TBC1D14: variants seen among roughly 807,000 people sequenced by gnomAD.
TBC1D14 encodes TBC1 domain family, member 14.
TBC1D14 carries 26 observed loss-of-function variants against 79.0 expected under a neutral mutation model. The ratio of observed to expected loss-of-function variants is 0.33; its 90% CI spans 0.24 to 0.46. The LOEUF (loss-of-function observed/expected upper bound fraction) is 0.46, where lower values mean the gene tolerates loss of function less well. TBC1D14 is among the 20% of genes least tolerant of loss of function. TBC1D14 has a pLI of 1.00. For synonymous variants in TBC1D14, 394 were observed against 349.9 expected, an observed-to-expected ratio of 1.13 and a Z score of -1.40; for missense variants, 769 against 887.6, an observed-to-expected ratio of 0.87 and a Z score of 1.70.
chr4:7,025,467 A>G (rs1008322984), intron 13 of TBC1D14, among the ~76,000 whole-genome samples: 1 of 152,112 alleles, frequency 6.6e-6, no homozygotes, highest in Admixed American at 6.5e-5. Context: ...TGTCAGCTGG[A>G]TGGGGTGTGG....
intron 12 of TBC1D14, among the ~76,000 whole-genome samples, chr4:7,023,796 T>C (rs4689576): frequency 0.45 from 69,014 of 152,116 alleles, 15,956 homozygotes; most frequent in East Asian, 0.61. Context: ...CATTTCTTGA[T>C]GCATGGGGTG....
chr4:6,930,798 CA>C (rs35354700), intron 2 of TBC1D14, among the ~76,000 whole-genome samples: 91,843 of 139,240 alleles, frequency 0.66, 29,438 homozygotes, highest in South Asian at 0.78. Flanking sequence ...ACTCCATCTC[CA>C]AAAAAAAAAA....
Position 6,999,211 on chromosome 4 carries a change from T to G in TBC1D14, c.1163+9T>G. On this transcript the variant is annotated intron_variant, in intron 6 of 13. Coordinates refer to ENST00000409757, the MANE Select transcript of TBC1D14 (RefSeq NM_020773.3). Reference sequence around the variant, plus strand: ...CCTAACTGGGAAACAATGTAAGATGTGGCTCTGGGTGTGGCTGAACTGCAG... The same window carrying G: ...CCTAACTGGGAAACAATGTAAGATGGGGCTCTGGGTGTGGCTGAACTGCAG... 1.2e-6 allele frequency: 2 copies of G among 1,608,448 alleles called. No individual in the cohort carries two copies. The highest frequency in any genetic ancestry group is 1.7e-4 in the Middle Eastern group (1 of 5,878).
intron 2 of TBC1D14, chr4:6,954,294 A>C: frequency 1.4e-6 from 1 of 717,500 alleles, no homozygotes; most frequent in Admixed American, 2.0e-5. Context: ...GCGAGGTCAC[A>C]GTAGACATGA....
chr4:6,980,102 A>G (rs902365939), intron 3 of TBC1D14, among the ~76,000 whole-genome samples: 9 of 152,228 alleles, frequency 5.9e-5, no homozygotes, highest in South Asian at 2.1e-4. Context: ...AGCAGAATAC[A>G]GTTTTTTCAA....
At chr4:6,953,448 C>T (rs77541548) in intron 2 of TBC1D14, among the ~76,000 whole-genome samples, 13 of 78,180 alleles carry the variant, frequency 1.7e-4, no homozygotes, top group East Asian at 4.9e-4. Context: ...GGTGAAACCC[C>T]GTCTCTACTA....
chr4:7,020,404 C>T (rs369757092), intron 12 of TBC1D14, among the ~76,000 whole-genome samples: 2 of 152,206 alleles, frequency 1.3e-5, no homozygotes, highest in South Asian at 2.1e-4. Flanking sequence ...CCTGTTCTTA[C>T]CTAGCACTGT....
At chr4:6,976,349 C>T (rs1351184991) in intron 3 of TBC1D14, among the ~76,000 whole-genome samples, 1 of 152,064 alleles carries the variant, frequency 6.6e-6, no homozygotes, top group Non-Finnish European at 1.5e-5. Context: ...AAAATAAACT[C>T]TAAAAAGTAA....
At position 6,987,230 on chromosome 4, in the gene TBC1D14, C is replaced by T. The variant is rs979892606; in HGVS notation, c.844-6954C>T. On this transcript the variant is annotated intron_variant, in intron 3 of 13. Transcript: ENST00000409757. ...TGCCGCCCCGCCCCGCCCCGCGAGTCTGAGGAGCCGCCGCGTCCGCCCGCC... is the reference window on the plus strand; with the variant it reads ...TGCCGCCCCGCCCCGCCCCGCGAGTTTGAGGAGCCGCCGCGTCCGCCCGCC... 6 of 1,255,406 alleles carry T rather than the reference C, an allele frequency of 4.8e-6. No homozygotes were observed. In the African/African-American group the frequency reaches 9.4e-5, roughly 20 times the overall value. 77.8% of individuals were successfully genotyped at this position (1,255,406 alleles called of 1,614,324 possible).
chr4:7,026,544 A>G (rs965284311), intron 13 of TBC1D14, among the ~76,000 whole-genome samples: 4 of 152,218 alleles, frequency 2.6e-5, no homozygotes, highest in Non-Finnish European at 4.4e-5. Flanking sequence ...TGTAATATCT[A>G]TGCCACGCCA....
At chr4:6,958,652 C>A (rs1250016001) in intron 2 of TBC1D14, among the ~76,000 whole-genome samples, 1 of 152,140 alleles carries the variant, frequency 6.6e-6, no homozygotes, top group African/African-American at 2.4e-5. Flanking sequence ...CCAGGCTATT[C>A]TCAAACTCCT....
chr4:6,921,499 G>C (rs1443056085), intron 1 of TBC1D14, among the ~76,000 whole-genome samples: 1 of 151,876 alleles, frequency 6.6e-6, no homozygotes, highest in Non-Finnish European at 1.5e-5. Flanking sequence ...GAGCCACCAT[G>C]CCTGGTTAGG....
intron 2 of TBC1D14, among the ~76,000 whole-genome samples, chr4:6,939,300 A>G (rs192792950): frequency 6.6e-6 from 1 of 152,178 alleles, no homozygotes; most frequent in African/African-American, 2.4e-5. Context: ...TTCCTGCTGC[A>G]TAAATGAGAA....
At chr4:6,961,395 A>C (rs180804191) in intron 2 of TBC1D14, among the ~76,000 whole-genome samples, 1 of 147,918 alleles carries the variant, frequency 6.8e-6, no homozygotes. Flanking sequence ...TGACCCCCCA[A>C]ATCTCTCTGT....
At chr4:6,972,517 A>G (rs112201963) in intron 3 of TBC1D14, among the ~76,000 whole-genome samples, 2,188 of 151,968 alleles carry the variant, frequency 0.014, 53 homozygotes, top group African/African-American at 0.05. Context: ...CATCTTCCCC[A>G]TCCTCTAAAT....
intron 5 of TBC1D14, chr4:6,997,325 CTAAAAA>C (rs948492713): frequency 1.3e-5 from 2 of 152,110 alleles, no homozygotes; most frequent in African/African-American, 2.4e-5. Context: ...GTCTGCCTTT[CTAAAAA>C]TAAAAATAAA....
intron 1 of TBC1D14, among the ~76,000 whole-genome samples, chr4:6,915,889 C>T (rs551302191): frequency 1.3e-5 from 2 of 151,120 alleles, no homozygotes; most frequent in South Asian, 2.1e-4. Flanking sequence ...CCGAGGTGGG[C>T]AGATCACCTG....
chr4:6,996,213 G>A (rs2109168841), intron 4 of TBC1D14, 112 bp from the exon 5 acceptor site: 2 of 786,514 alleles, frequency 2.5e-6, no homozygotes, highest in East Asian at 2.6e-5. Flanking sequence ...TTAAAAAAAT[G>A]AGTTTTTAGT....
chr4:6,924,212 C>T, intron 2 of TBC1D14, 101 bp downstream of exon 2: 3 of 1,434,508 alleles, frequency 2.1e-6, no homozygotes, highest in South Asian at 2.9e-5. Context: ...TGGTGTTAGG[C>T]AGGCACTGTC....
Sources: allele counts gnomAD v4.1 joint callset (sites outside exome capture counted in the v4.1 genomes callset), GRCh38; gene constraint gnomAD v4.1.1; transcripts MANE v1.5; gene names NCBI Gene and HGNC (gene_info 2026-07-23, HGNC 2026-07-21).